FAM163A: variants seen among roughly 807,000 people sequenced by gnomAD.
FAM163A encodes the protein family with sequence similarity 163 member A, also known as protein FAM163A.
FAM163A carries 7 observed loss-of-function variants against 12.0 expected under a neutral mutation model. That is an observed-to-expected ratio of 0.58 (90% CI 0.33 to 1.10). The LOEUF is 1.10. FAM163A is among the 50% of genes least tolerant of loss of function. The pLI is 0.03. For synonymous variants in FAM163A, 101 were observed against 91.0 expected (o/e 1.11, Z -0.62); for missense variants, 202 against 218.6 (o/e 0.92, Z 0.48).
At chr1:179,788,906 T>C (rs1691031261) in intron 1 of FAM163A, among the ~76,000 whole-genome samples, 1 of 152,186 alleles carries the variant, frequency 6.6e-6, no homozygotes, top group African/African-American at 2.4e-5. Context: ...CCGCCGTCTA[T>C]GTGCACTGTG....
chr1:179,756,750 T>C (rs957837733), intron 1 of FAM163A, among the ~76,000 whole-genome samples: 72 of 152,032 alleles, frequency 4.7e-4, no homozygotes, highest in African/African-American at 1.7e-3. Flanking sequence ...GGGGGAAGTG[T>C]GGAGTCAGGA....
At chr1:179,775,646 C>G (rs1688853231) in intron 1 of FAM163A, among the ~76,000 whole-genome samples, 1 of 152,118 alleles carries the variant, frequency 6.6e-6, no homozygotes. Flanking sequence ...AATTTTAGCC[C>G]CAGTTATAGC....
In FAM163A at chr1:179,778,065, C is replaced by T. The variant is rs185584839; in HGVS notation, c.-135-29733C>T. 5.9e-5 allele frequency among the ~76,000 whole-genome samples: 9 copies of T among 152,320 alleles called. No homozygotes were observed. The East Asian group carries it at 9.6e-4, about 16-fold the overall frequency. On this transcript the variant is annotated intron_variant, in intron 1 of 4. Coordinates refer to ENST00000341785, the MANE Select transcript of FAM163A (RefSeq NM_173509.3). Reference sequence around the variant, plus strand: ...AATGCATGTCATACCTTGACAAATCCATTATAAAGTCAAAAAATTATAAGT... The same window carrying T: ...AATGCATGTCATACCTTGACAAATCTATTATAAAGTCAAAAAATTATAAGT...
chr1:179,744,991 T>C (rs1208539666), intron 1 of FAM163A, among the ~76,000 whole-genome samples: 2 of 152,214 alleles, frequency 1.3e-5, no homozygotes, highest in Non-Finnish European at 2.9e-5. Context: ...AATACTTGCA[T>C]GTAACAGACG....
At chr1:179,793,378 CTA>C (rs1458191407) in intron 1 of FAM163A, among the ~76,000 whole-genome samples, 1 of 152,230 alleles carries the variant, frequency 6.6e-6, no homozygotes, top group African/African-American at 2.4e-5. Context: ...TTCTAAGAGT[CTA>C]TGAGTTTTAC....
At chr1:179,761,111 A>G (rs1317728743) in intron 1 of FAM163A, among the ~76,000 whole-genome samples, 1 of 152,238 alleles carries the variant, frequency 6.6e-6, no homozygotes, top group African/African-American at 2.4e-5. Flanking sequence ...ACATGAAAAA[A>G]TAGTCATGAT....
chr1:179,796,827 T>C (rs940565288), intron 1 of FAM163A, among the ~76,000 whole-genome samples: 5 of 152,226 alleles, frequency 3.3e-5, no homozygotes, highest in Admixed American at 3.3e-4. Context: ...TTCTGTTACA[T>C]AGAAGACTTG....
intron 1 of FAM163A, among the ~76,000 whole-genome samples, chr1:179,757,839 T>C (rs1157979415): frequency 6.7e-6 from 1 of 150,232 alleles, no homozygotes; most frequent in Non-Finnish European, 1.5e-5. Context: ...CGAAAAACAG[T>C]GAAGAGGATG....
At chr1:179,737,020 T>C in the FAM163A span, among the ~76,000 whole-genome samples, 1 of 152,152 alleles carries the variant, frequency 6.6e-6, no homozygotes, top group Non-Finnish European at 1.5e-5. Flanking sequence ...TTCTGATATA[T>C]ATCTAAAAAA....
At chr1:179,740,950 T>A (rs369299155), upstream of FAM163A, among the ~76,000 whole-genome samples, 6 of 152,000 alleles carry the variant, frequency 3.9e-5, no homozygotes, top group East Asian at 9.7e-4. Context: ...CCTACAAATC[T>A]ACAATTATCT....
chr1:179,771,930 G>C (rs184366822), intron 1 of FAM163A, among the ~76,000 whole-genome samples: 3 of 152,116 alleles, frequency 2.0e-5, no homozygotes, highest in Admixed American at 2.0e-4. Context: ...TCATCTGCTG[G>C]CATGTCCCCA....
At chr1:179,749,807 C>A (rs371397641) in intron 1 of FAM163A, among the ~76,000 whole-genome samples, 1 of 152,058 alleles carries the variant, frequency 6.6e-6, no homozygotes, top group East Asian at 1.9e-4. Flanking sequence ...TGCAGTGAGC[C>A]GAGATCATGC....
intron 1 of FAM163A, among the ~76,000 whole-genome samples, chr1:179,767,269 T>G (rs1350826810): frequency 2.0e-5 from 3 of 152,136 alleles, no homozygotes; most frequent in African/African-American, 7.2e-5. Flanking sequence ...TCCTGCTCAC[T>G]GTTGCCTGGC....
chr1:179,813,916 G>A lies in FAM163A; in HGVS notation c.231G>A (p.Ala77=), dbSNP rs1396705744. Residue 77 remains alanine (A), a synonymous_variant, in exon 5 of 5, where the codon GCG becomes GCA. Coordinates refer to ENST00000341785, the MANE Select transcript of FAM163A (RefSeq NM_173509.3). The part of the protein sequence containing the change: ...SQALDGRGSL[A]PLTSEPCSQP... ...CCCTGGACGGCAGAGGCAGCCTGGCGCCTCTCACCAGCGAGCCCTGCAGCC... is the reference window on the plus strand; with the variant it reads ...CCCTGGACGGCAGAGGCAGCCTGGCACCTCTCACCAGCGAGCCCTGCAGCC... 1.2e-6 allele frequency: 2 copies of A among 1,613,148 alleles called. No homozygotes were observed. Among genetic ancestry groups the A allele is most frequent in the South Asian group, 2.2e-5 (2 of 91,048 alleles).
chr1:179,744,504 G>C (rs141059903), intron 1 of FAM163A, among the ~76,000 whole-genome samples: 1 of 152,168 alleles, frequency 6.6e-6, no homozygotes. Flanking sequence ...TCCGAAGGCC[G>C]CGAGGGAAGT....
rs763232578 is a variant in FAM163A at position 179,813,983 on chromosome 1, C to G, written c.298C>G (p.Pro100Ala). ...VAASHCTTCS[P>A]YSSPFYIRTA... The stretch of plus-strand genomic sequence containing the variant: ...CGCGAGCCACTGCACTACCTGCTCC[C>G]CATACAGCTCCCCCTTTTACATACG... Residue 100 changes from proline (P) to alanine (A), a missense_variant, in exon 5 of 5, where the codon CCA (proline) becomes GCA (alanine). By Grantham distance (27) the Pro-to-Ala change is conservative. Transcript: ENST00000341785. 29 of 1,613,532 alleles carry G rather than the reference C, an allele frequency of 1.8e-5. No individual in the cohort carries two copies. In the South Asian group the frequency reaches 3.1e-4, roughly 17 times the overall value.
chr1:179,790,893 A>T (rs1487787657), intron 1 of FAM163A, among the ~76,000 whole-genome samples: 1 of 152,144 alleles, frequency 6.6e-6, no homozygotes, highest in Non-Finnish European at 1.5e-5. Context: ...CAAAACCCGG[A>T]ATATTCTTAA....
At chr1:179,808,504 G>C (rs1694262190) in intron 2 of FAM163A, among the ~76,000 whole-genome samples, 1 of 152,188 alleles carries the variant, frequency 6.6e-6, no homozygotes, top group South Asian at 2.1e-4. Flanking sequence ...TGGGAGGCTG[G>C]ATTGAGGGCC....
intron 1 of FAM163A, among the ~76,000 whole-genome samples, chr1:179,774,774 T>C (rs971902371): frequency 6.6e-6 from 1 of 152,180 alleles, no homozygotes; most frequent in African/African-American, 2.4e-5. Flanking sequence ...CCGCAGACCC[T>C]GGACGAACTC....
Sources: gnomAD v4.1 joint callset for allele counts (sites outside exome capture counted in the v4.1 genomes callset) on GRCh38, gnomAD v4.1.1 for gene constraint, MANE v1.5 for transcripts, NCBI Gene and HGNC (gene_info 2026-07-23, HGNC 2026-07-21) for gene names.